DENND4C: variants seen among roughly 807,000 people sequenced by gnomAD.
DENND4C encodes DENN domain-containing protein 4C.
In DENND4C, 108 loss-of-function variants were observed where a neutral mutation model predicts 203.0. The observed-to-expected ratio is 0.53, with a 90% CI of 0.46 to 0.62. The LOEUF is 0.62. Ranked by LOEUF, DENND4C falls within the 20% of genes least tolerant of loss-of-function variation. DENND4C has a pLI of 0.00. For missense variants in DENND4C, 2,481 were observed against 2,301.2 expected (o/e 1.08, Z -1.60); for synonymous variants, 871 against 792.4 (o/e 1.10, Z -1.67).
At chr9:19,328,518 C>T (rs939976627) in intron 16 of DENND4C, among the ~76,000 whole-genome samples, 1 of 152,054 alleles carries the variant, frequency 6.6e-6, no homozygotes, top group Non-Finnish European at 1.5e-5. Context: ...GAGGCTAAGG[C>T]AGGAGAATCG....
chr9:19,244,420 G>A (rs1183638758), intron 1 of DENND4C, among the ~76,000 whole-genome samples: 1 of 151,832 alleles, frequency 6.6e-6, no homozygotes, highest in East Asian at 1.9e-4. Flanking sequence ...CACATTGGCT[G>A]ATTAGCTATA....
In DENND4C at chr9:19,364,887, T is replaced by C. The variant is rs141634193; in HGVS notation, c.5524+2924T>C. On this transcript the variant is annotated intron_variant, in intron 30 of 32. Transcript: ENST00000434457. ...TCCAGCCTGGGCGACAGAGTGAGAC[T>C]GTCTCAAAAAACAAAAAGAAAACGA... is the stretch of plus-strand genomic sequence containing the variant. 4.4e-3 allele frequency among the ~76,000 whole-genome samples: 670 copies of C among 151,432 alleles called. 3 individuals carry two copies. The highest frequency in any genetic ancestry group is 0.015 in the African/African-American group (638 of 41,248).
At chr9:19,351,111 G>A (rs1266987139) in intron 24 of DENND4C, among the ~76,000 whole-genome samples, 2 of 151,914 alleles carry the variant, frequency 1.3e-5, no homozygotes, top group Admixed American at 1.3e-4. Flanking sequence ...CGCTCAATAA[G>A]CCCCATTTGT....
At chr9:19,310,302 A>G (rs118133275) in intron 10 of DENND4C, among the ~76,000 whole-genome samples, 2,404 of 152,306 alleles carry the variant, frequency 0.016, 30 homozygotes, top group Non-Finnish European at 0.024. Context: ...TATAGTTGGT[A>G]TCTTGTCTTG....
chr9:19,262,167 A>G (rs1024739977), intron 1 of DENND4C, among the ~76,000 whole-genome samples: 3 of 133,308 alleles, frequency 2.3e-5, no homozygotes, highest in Non-Finnish European at 3.1e-5. Flanking sequence ...GCTTACTGCA[A>G]CCTCCACCTC....
At chr9:19,248,066 C>G (rs1395786115) in intron 1 of DENND4C, among the ~76,000 whole-genome samples, 1 of 152,110 alleles carries the variant, frequency 6.6e-6, no homozygotes, top group Non-Finnish European at 1.5e-5. Flanking sequence ...CTAGTTTGTT[C>G]TCACAACAGC....
At chr9:19,348,235 T>C (rs1217237220) in intron 23 of DENND4C, among the ~76,000 whole-genome samples, 1 of 152,196 alleles carries the variant, frequency 6.6e-6, no homozygotes, top group Non-Finnish European at 1.5e-5. Flanking sequence ...AGAGGCTAAT[T>C]AGCTTCTCAA....
chr9:19,236,195 G>T (rs540643459), intron 1 of DENND4C, among the ~76,000 whole-genome samples: 16 of 152,024 alleles, frequency 1.1e-4, no homozygotes, highest in East Asian at 1.9e-4. Context: ...ATAATAATAA[G>T]AATAATATAA....
chr9:19,352,366 G>T (rs1824343747), intron 25 of DENND4C, 124 bp from the exon 26 acceptor site: 1 of 1,100,496 alleles, frequency 9.1e-7, no homozygotes, highest in South Asian at 1.8e-5. Context: ...TGAAATAAAA[G>T]AACTGTTATT....
At chr9:19,335,204 G>A in intron 18 of DENND4C, 99 bp downstream of exon 18, 4 of 772,286 alleles carry the variant, frequency 5.2e-6, no homozygotes, top group Admixed American at 4.2e-5. Flanking sequence ...AGGAAGTTTT[G>A]GGATATAATT....
intron 20 of DENND4C, among the ~76,000 whole-genome samples, chr9:19,338,746 C>T (rs531904227): frequency 6.6e-6 from 1 of 152,236 alleles, no homozygotes; most frequent in African/African-American, 2.4e-5. Context: ...ATTGCTTTAC[C>T]AGACTTTTTG....
chr9:19,324,615 TTGTGTATGTG>T, intron 13 of DENND4C, 108 bp downstream of exon 13: 1 of 1,184,950 alleles, frequency 8.4e-7, no homozygotes, highest in Non-Finnish European at 1.2e-6. Context: ...CAGAGTAGGG[TTGTGTATGTG>T]TGTGTATGTG....
Position 19,356,963 on chromosome 9 carries a change from C to T in DENND4C, c.4782-9C>T. The T allele has an allele frequency of 6.2e-7, 1 of 1,611,594 alleles. No homozygotes were observed. The highest frequency in any genetic ancestry group is 8.5e-7 in the Non-Finnish European group (1 of 1,178,980). ...TAAAGGCTCTTTTTCCCCCCTTTTC[C>T]TTATGTAGCTTTTTCCTGAAACCAA... On this transcript the variant is annotated splice_polypyrimidine_tract_variant and intron_variant, in intron 26 of 32. Transcript: ENST00000434457.
chr9:19,372,292 G>A lies in DENND4C; in HGVS notation c.*119G>A, dbSNP rs1828984563. ...TGAATACGGAATTGAAGTAACTCTT[G>A]GGGACAATATATAATGAATTATGAT... On this transcript the variant is annotated 3_prime_UTR_variant, in exon 33 of 33. Coordinates refer to ENST00000434457, the MANE Select transcript of DENND4C (RefSeq NM_001330640.2). The A allele has an allele frequency of 2.5e-6, 3 of 1,223,406 alleles. No individual in the cohort carries two copies. Among genetic ancestry groups the A allele is most frequent in the East Asian group, 4.7e-5 (2 of 42,384 alleles). 75.8% of individuals were successfully genotyped at this position (1,223,406 alleles called of 1,614,324 possible). A position where few individuals can be genotyped will look rare whatever the true frequency, so the allele number is the denominator to read the frequency against.
At chr9:19,302,086 A>T (rs1034497255) in intron 9 of DENND4C, among the ~76,000 whole-genome samples, 3 of 152,244 alleles carry the variant, frequency 2.0e-5, no homozygotes, top group Non-Finnish European at 2.9e-5. Flanking sequence ...ATTGGTAATC[A>T]TATGAAAAAT....
Position 19,361,891 on chromosome 9 carries a change from C to T in DENND4C, c.5452C>T (p.Gln1818Ter), listed in dbSNP as rs1826567119. Residue 1818 changes from glutamine (Q) to a stop codon, truncating the protein, a stop_gained, in exon 30 of 33, where the codon CAG (glutamine) becomes TAG (stop). Transcript: ENST00000434457. LOFTEE classifies it high-confidence loss of function. ...LSQDSKLVYI[Q>*]LLWDNINLHQ... is the part of the protein sequence containing the mutation. The stretch of plus-strand genomic sequence containing the variant: ...CCAGGATAGCAAACTTGTGTATATT[C>T]AGCTGTTATGGGATAATATCAACCT... 6.2e-7 allele frequency: 1 copy of T among 1,612,948 alleles called. No individual in the cohort carries two copies. The highest frequency in any genetic ancestry group is 8.5e-7 in the Non-Finnish European group (1 of 1,178,980).
intron 5 of DENND4C, among the ~76,000 whole-genome samples, 180 bp downstream of exon 5, chr9:19,291,056 C>T (rs1474146841): frequency 6.6e-6 from 1 of 152,100 alleles, no homozygotes; most frequent in Non-Finnish European, 1.5e-5. Context: ...ATATTGATAC[C>T]TCTGGAACTT....
intron 1 of DENND4C, among the ~76,000 whole-genome samples, chr9:19,260,570 G>T (rs1436464679): frequency 1.3e-5 from 2 of 151,944 alleles, no homozygotes; most frequent in South Asian, 2.1e-4. Flanking sequence ...GCTAATTTTT[G>T]TATTTTTAGT....
intron 2 of DENND4C, among the ~76,000 whole-genome samples, chr9:19,280,279 TG>T (rs928081135): frequency 1.3e-5 from 2 of 152,104 alleles, no homozygotes; most frequent in Non-Finnish European, 2.9e-5. Context: ...CCCAAGTAGC[TG>T]GGATTACAGG....
Sources: gnomAD v4.1 joint callset for allele counts (sites outside exome capture counted in the v4.1 genomes callset) on GRCh38, gnomAD v4.1.1 for gene constraint, MANE v1.5 for transcripts, NCBI Gene and HGNC (gene_info 2026-07-23, HGNC 2026-07-21) for gene names.